Variants in NXPH1 observed in about 807,000 individuals in gnomAD.
NXPH1 encodes neurexophilin 1.
A neutral mutation model predicts 23.7 loss-of-function variants in NXPH1; 5 were observed. The observed-to-expected ratio is 0.21, with a 90% CI of 0.11 to 0.44. NXPH1 has a LOEUF of 0.44. Among genes scored for constraint, NXPH1 ranks in the 20% least tolerant of loss-of-function variants. The pLI, the probability that NXPH1 is intolerant of heterozygous loss-of-function variation, is 0.99. For missense variants in NXPH1, 324 were observed against 321.6 expected, an observed-to-expected ratio of 1.01 and a Z score of -0.06; for synonymous variants, 144 against 122.2, an observed-to-expected ratio of 1.18 and a Z score of -1.18.
rs144338845 is a variant in NXPH1, at chr7:8,594,822, T to C, written c.55-156186T>C. Among the ~76,000 whole-genome samples, 235 of 152,178 alleles carry C rather than the reference T, an allele frequency of 1.5e-3. 1 individual carries two copies. The highest frequency in any genetic ancestry group is 5.3e-3 in the African/African-American group (222 of 41,536). ...CCGCTTCCAATTGGCATTTTCAAAT[T>C]TAAACAAATTATTGTCTTGTGTAGG... On this transcript the variant is annotated intron_variant, in intron 2 of 2. Transcript: ENST00000405863.
intron 2 of NXPH1, among the ~76,000 whole-genome samples, chr7:8,494,010 T>A (rs1168369996): frequency 6.6e-6 from 1 of 152,044 alleles, no homozygotes; most frequent in African/African-American, 2.4e-5. Context: ...ATTTTTATAA[T>A]CATGTTTTAA....
chr7:8,539,966 TA>T, intron 2 of NXPH1, among the ~76,000 whole-genome samples: 1 of 152,002 alleles, frequency 6.6e-6, no homozygotes, highest in Non-Finnish European at 1.5e-5. Context: ...TAAACCTTTA[TA>T]TTTTGTTTTA....
At chr7:8,748,647 A>G (rs1338313927) in intron 2 of NXPH1, among the ~76,000 whole-genome samples, 3 of 152,134 alleles carry the variant, frequency 2.0e-5, no homozygotes, top group Non-Finnish European at 4.4e-5. Context: ...GGGCATTGCT[A>G]TTGCCTTGGG....
Position 8,743,674 on chromosome 7 carries a change from CT to C in NXPH1, c.55-7325del, listed in dbSNP as rs908046033. On this transcript the variant is annotated intron_variant, in intron 2 of 2. Coordinates refer to ENST00000405863, the MANE Select transcript of NXPH1 (RefSeq NM_152745.3). ...GGAGCTAGAGCAAAGTGTGGCAACT[CT>C]TTTTTTTTCTTTTCTTTTTTTTTTT... 4.9e-5 allele frequency among the ~76,000 whole-genome samples: 7 copies of C among 141,942 alleles called. No homozygotes were observed. The East Asian group carries it at 1.3e-3, about 26-fold the overall frequency. The allele number at this position is 141,942 out of a possible 152,430, so 93.1% of individuals were successfully genotyped here.
At chr7:8,623,372 G>T (rs927184059) in intron 2 of NXPH1, among the ~76,000 whole-genome samples, 3 of 152,124 alleles carry the variant, frequency 2.0e-5, no homozygotes, top group African/African-American at 7.2e-5. Flanking sequence ...AAAGGGGGAA[G>T]AATAAATAGA....
rs1490639924 is a variant in NXPH1 at position 8,677,635 on chromosome 7, A to G, written c.55-73373A>G. Among the ~76,000 whole-genome samples, 8 of 152,286 alleles carry G rather than the reference A, an allele frequency of 5.3e-5. No individual in the cohort carries two copies. In the South Asian group the frequency reaches 8.3e-4, roughly 16 times the overall value. ...ATATGGAGCCCATCCCATTACTGTG[A>G]AATGAAAAAAGAAAGAAAGAAACCT... On this transcript the variant is annotated intron_variant, in intron 2 of 2. Coordinates refer to ENST00000405863, the MANE Select transcript of NXPH1 (RefSeq NM_152745.3).
At chr7:8,579,589 C>G (rs986364549) in intron 2 of NXPH1, among the ~76,000 whole-genome samples, 1 of 152,162 alleles carries the variant, frequency 6.6e-6, no homozygotes, top group African/African-American at 2.4e-5. Flanking sequence ...TCAGACTGGT[C>G]TCAAACTCCT....
intron 2 of NXPH1, among the ~76,000 whole-genome samples, chr7:8,679,447 T>A (rs1248436168): frequency 1.3e-5 from 2 of 152,178 alleles, no homozygotes; most frequent in African/African-American, 4.8e-5. Context: ...ATGGCCAGGA[T>A]GTTTTTTAAT....
intron 2 of NXPH1, among the ~76,000 whole-genome samples, chr7:8,481,308 A>G (rs369050649): frequency 2.1e-4 from 32 of 152,322 alleles, no homozygotes; most frequent in African/African-American, 6.3e-4. Context: ...TGCATATTTC[A>G]GAGATACCTA....
At chr7:8,568,480 A>G (rs1220104897) in intron 2 of NXPH1, among the ~76,000 whole-genome samples, 4 of 151,846 alleles carry the variant, frequency 2.6e-5, no homozygotes, top group Non-Finnish European at 5.9e-5. Flanking sequence ...AAACTATGTT[A>G]ATGCAATGAG....
At chr7:8,739,736 CT>C (rs1399535226) in intron 2 of NXPH1, among the ~76,000 whole-genome samples, 3 of 152,172 alleles carry the variant, frequency 2.0e-5, no homozygotes, top group African/African-American at 7.2e-5. Context: ...CACAAACACA[CT>C]ATAAAGCTGT....
chr7:8,606,987 T>G (rs1053050783), intron 2 of NXPH1, among the ~76,000 whole-genome samples: 1 of 152,228 alleles, frequency 6.6e-6, no homozygotes, highest in African/African-American at 2.4e-5. Flanking sequence ...ATATAACCTA[T>G]TCTTAGTAAA....
intron 2 of NXPH1, among the ~76,000 whole-genome samples, chr7:8,459,231 T>G (rs1168262326): frequency 6.6e-6 from 1 of 152,148 alleles, no homozygotes; most frequent in African/African-American, 2.4e-5. Context: ...TATTCATTTT[T>G]ACCTGAATTC....
chr7:8,646,090 C>T (rs1562441192), intron 2 of NXPH1, among the ~76,000 whole-genome samples: 1 of 152,096 alleles, frequency 6.6e-6, no homozygotes, highest in African/African-American at 2.4e-5. Context: ...ACATCTTTTA[C>T]ATATTATCAT....
At chr7:8,671,024 C>T (rs1475704483) in intron 2 of NXPH1, among the ~76,000 whole-genome samples, 1 of 152,144 alleles carries the variant, frequency 6.6e-6, no homozygotes, top group Non-Finnish European at 1.5e-5. Context: ...AAAAATTGCC[C>T]TACCGTGGTC....
At chr7:8,662,514 A>T (rs1820693728) in intron 2 of NXPH1, among the ~76,000 whole-genome samples, 1 of 152,092 alleles carries the variant, frequency 6.6e-6, no homozygotes, top group Non-Finnish European at 1.5e-5. Context: ...TCTATTTCCT[A>T]AATAAAAATT....
At chr7:8,676,244 T>C (rs556844541) in intron 2 of NXPH1, among the ~76,000 whole-genome samples, 1 of 152,336 alleles carries the variant, frequency 6.6e-6, no homozygotes, top group East Asian at 1.9e-4. Context: ...GTGTCTATTG[T>C]GTGCAATAAT....
intron 2 of NXPH1, among the ~76,000 whole-genome samples, chr7:8,656,349 T>C (rs1820581620): frequency 6.6e-6 from 1 of 152,208 alleles, no homozygotes; most frequent in Non-Finnish European, 1.5e-5. Context: ...ACCCTTAATA[T>C]ATGCTAGACA....
chr7:8,673,325 A>G (rs1393816880), intron 2 of NXPH1, among the ~76,000 whole-genome samples: 1 of 152,186 alleles, frequency 6.6e-6, no homozygotes, highest in Non-Finnish European at 1.5e-5. Flanking sequence ...TAAACTGAAT[A>G]CTTTATGAGA....
Sources: gnomAD v4.1 joint callset for allele counts (sites outside exome capture counted in the v4.1 genomes callset) on GRCh38, gnomAD v4.1.1 for gene constraint, MANE v1.5 for transcripts, NCBI Gene and HGNC (gene_info 2026-07-23, HGNC 2026-07-21) for gene names.